SRP54: variants seen among roughly 807,000 people sequenced by gnomAD.
SRP54 encodes the protein signal recognition particle 54.
SRP54 carries 10 observed loss-of-function variants against 64.8 expected under a neutral mutation model. That is an observed-to-expected ratio of 0.15 (90% CI 0.10 to 0.26). SRP54 has a LOEUF of 0.26. SRP54 is among the 10% of genes least tolerant of loss of function. SRP54 has a pLI of 1.00. For missense variants in SRP54, 325 were observed against 613.7 expected (o/e 0.53, Z 4.97); for synonymous variants, 193 against 185.6 (o/e 1.04, Z -0.32).
At chr14:35,024,727 C>T (rs952951331) in intron 14 of SRP54, among the ~76,000 whole-genome samples, 5 of 151,044 alleles carry the variant, frequency 3.3e-5, no homozygotes, top group Non-Finnish European at 5.9e-5. Flanking sequence ...ACAGTTGTCA[C>T]CATTTTCTTC....
At chr14:35,005,265 C>T (rs886545956) in intron 4 of SRP54, among the ~76,000 whole-genome samples, 4 of 152,038 alleles carry the variant, frequency 2.6e-5, no homozygotes, top group African/African-American at 4.8e-5. Context: ...TCCAAGAGTT[C>T]GAGACTGCAG....
At chr14:35,021,369 A>G (rs542934166) in intron 13 of SRP54, among the ~76,000 whole-genome samples, 19 of 152,234 alleles carry the variant, frequency 1.2e-4, no homozygotes, top group African/African-American at 4.6e-4. Context: ...GTGGCTCTCA[A>G]CTGTAATCCC....
chr14:35,013,983 CCTCA>C, intron 10 of SRP54, 81 bp downstream of exon 10: 1 of 1,021,138 alleles, frequency 9.8e-7, no homozygotes, highest in Non-Finnish European at 1.5e-6. Flanking sequence ...TTAATTCTGT[CCTCA>C]CTAATTTAAG....
chr14:35,009,213 T>C (rs906033812), intron 7 of SRP54, among the ~76,000 whole-genome samples: 4 of 151,752 alleles, frequency 2.6e-5, no homozygotes, highest in African/African-American at 9.7e-5. Context: ...TTTTAAAAAC[T>C]TTTTGTAAAG....
At chr14:34,991,127 T>TTGTTGTTG (rs11405252) in intron 1 of SRP54, among the ~76,000 whole-genome samples, 1 of 123,130 alleles carries the variant, frequency 8.1e-6, no homozygotes, top group Non-Finnish European at 1.7e-5. Context: ...TTTTTTTTTT[T>TTGTTGTTG]TTGTTGTTGT....
chr14:34,999,498 T>C (rs1240026864), intron 2 of SRP54, 60 bp from the exon 3 acceptor site: 5 of 1,306,748 alleles, frequency 3.8e-6, no homozygotes, highest in East Asian at 2.3e-5. Context: ...AACAATTGTT[T>C]TTATGGAACT....
chr14:34,986,378 C>A (rs967263036), intron 1 of SRP54, among the ~76,000 whole-genome samples: 4 of 152,122 alleles, frequency 2.6e-5, no homozygotes, highest in African/African-American at 9.7e-5. Context: ...TAGAACTTCT[C>A]TCATGCTGGG....
intron 8 of SRP54, among the ~76,000 whole-genome samples, chr14:35,012,799 C>A (rs2044375605): frequency 6.6e-6 from 1 of 152,004 alleles, no homozygotes; most frequent in Non-Finnish European, 1.5e-5. Flanking sequence ...TATATATGTC[C>A]TCTGACTAGA....
intron 11 of SRP54, among the ~76,000 whole-genome samples, chr14:35,015,242 A>G (rs1311059520): frequency 6.6e-6 from 1 of 151,980 alleles, no homozygotes; most frequent in Admixed American, 6.6e-5. Context: ...AGGCCCGGCT[A>G]ATTTTTGTAT....
At chr14:34,997,535 T>G (rs551064940) in intron 2 of SRP54, among the ~76,000 whole-genome samples, 3 of 152,308 alleles carry the variant, frequency 2.0e-5, no homozygotes, top group Admixed American at 6.5e-5. Flanking sequence ...CTTAGATTCC[T>G]TAGTGTATAA....
chr14:35,027,415 C>T (rs1405101038), intron 14 of SRP54, among the ~76,000 whole-genome samples: 2 of 152,106 alleles, frequency 1.3e-5, no homozygotes, highest in African/African-American at 4.8e-5. Flanking sequence ...GCTTTTTGTC[C>T]AGCATTCCCC....
intron 4 of SRP54, among the ~76,000 whole-genome samples, 192 bp downstream of exon 4, chr14:35,001,212 G>A (rs1258830453): frequency 9.3e-6 from 1 of 107,870 alleles, no homozygotes; most frequent in Non-Finnish European, 1.8e-5. Flanking sequence ...TTTCACTCTT[G>A]TTGCCCAGGC....
intron 14 of SRP54, among the ~76,000 whole-genome samples, chr14:35,026,047 G>A (rs1166266781): frequency 7.2e-6 from 1 of 138,446 alleles, no homozygotes; most frequent in African/African-American, 2.7e-5. Context: ...CAGAGCAAGA[G>A]CCTGTCTCAA....
At chr14:35,008,940 G>A (rs2044310936) in intron 7 of SRP54, 109 bp downstream of exon 7, 3 of 832,334 alleles carry the variant, frequency 3.6e-6, no homozygotes, top group Non-Finnish European at 5.4e-6. Flanking sequence ...AGGCTGGGGT[G>A]CAATGGTGCG....
chr14:34,995,131 A>AGG lies in SRP54; in HGVS notation c.-33-1546_-33-1545insGG, dbSNP rs1480404761. On this transcript the variant is annotated intron_variant, in intron 1 of 15. Transcript: ENST00000216774. ...TTGTTCCAGAGAAGCAGAATCAATA[A>AGG]AGGGTGTGTGTGTGTGTGTGTGTGT... Among the ~76,000 whole-genome samples the AGG allele has an allele frequency of 5.3e-4, 34 of 63,744 alleles. 1 individual carries two copies. The highest frequency in any genetic ancestry group is 2.0e-3 in the African/African-American group (32 of 16,142). 41.8% of individuals were successfully genotyped at this position (63,744 alleles called of 152,430 possible).
rs191637052 is a variant in SRP54, at chr14:35,022,331, A to G, written c.1157-579A>G. 5.0e-3 allele frequency among the ~76,000 whole-genome samples: 759 copies of G among 152,054 alleles called. 3 individuals are homozygous for G. The highest frequency in any genetic ancestry group is 0.012 in the South Asian group (58 of 4,802). On this transcript the variant is annotated intron_variant, in intron 13 of 15. Transcript: ENST00000216774. ...ATTGTTTTTATAGCTTATGAATACT[A>G]TAAATGTTCTTTTGAATATATTCCG... is the stretch of plus-strand genomic sequence containing the variant.
chr14:35,008,774 G>C lies in SRP54; in HGVS notation c.428G>C (p.Gly143Ala), dbSNP rs775741587. 1 of 1,609,138 alleles carries C rather than the reference G, an allele frequency of 6.2e-7. No individual in the cohort carries two copies. The highest frequency in any genetic ancestry group is 8.5e-7 in the Non-Finnish European group (1 of 1,178,536). ...GATTCATGAACTCTTTATCTTCCAGGGGCTTTTGACCAACTAAAACAGAAT... is the reference window on the plus strand; with the variant it reads ...GATTCATGAACTCTTTATCTTCCAGCGGCTTTTGACCAACTAAAACAGAAT... ...CLICADTFRA[G>A]AFDQLKQNAT... Residue 143 changes from glycine (G) to alanine (A), a missense_variant and splice_region_variant, in exon 7 of 16, where the codon GGG becomes GCG. Transcript: ENST00000216774.
At chr14:34,995,092 T>A (rs1310937919) in intron 1 of SRP54, among the ~76,000 whole-genome samples, 3 of 139,278 alleles carry the variant, frequency 2.2e-5, no homozygotes. Context: ...TTTTTTTTCC[T>A]TTTTTTTTTT....
chr14:35,014,339 G>A (rs1199749502), intron 10 of SRP54, among the ~76,000 whole-genome samples: 1 of 146,254 alleles, frequency 6.8e-6, no homozygotes, highest in African/African-American at 2.5e-5. Flanking sequence ...GTGCAATGGC[G>A]GGATCTCAGT....
Sources: allele counts gnomAD v4.1 joint callset (sites outside exome capture counted in the v4.1 genomes callset), GRCh38; gene constraint gnomAD v4.1.1; transcripts MANE v1.5; gene names NCBI Gene and HGNC (gene_info 2026-07-23, HGNC 2026-07-21).